The following LMAN1L variants were observed in gnomAD, a reference collection of about 807,000 sequenced individuals.
LMAN1L encodes protein ERGIC-53-like.
LMAN1L carries 60 observed loss-of-function variants against 58.3 expected under a neutral mutation model. The observed-to-expected ratio is 1.03, with a 90% CI of 0.84 to 1.27. The LOEUF (loss-of-function observed/expected upper bound fraction) is 1.27, where lower values mean the gene tolerates loss of function less well. LMAN1L is among the 50% of genes most tolerant of loss of function. The probability of loss-of-function intolerance (pLI) is 0.00; values close to 1 mark genes in which losing one functional copy is unlikely to be tolerated. For missense variants in LMAN1L, 629 were observed against 674.0 expected, an observed-to-expected ratio of 0.93 and a Z score of 0.74; for synonymous variants, 280 against 271.6, an observed-to-expected ratio of 1.03 and a Z score of -0.31.
At chr15:74,820,797 C>T in intron 8 of LMAN1L, 30 bp downstream of exon 8, 1 of 1,594,156 alleles carries the variant, frequency 6.3e-7, no homozygotes, top group Non-Finnish European at 8.5e-7. Context: ...GCAGGTGGCG[C>T]CCATCTGAGT....
In LMAN1L at chr15:74,820,714, T is replaced by C. The variant is rs1407158273; in HGVS notation, c.854T>C (p.Leu285Ser). 1.2e-6 allele frequency: 2 copies of C among 1,613,804 alleles called. No homozygotes were observed. Among genetic ancestry groups the C allele is most frequent in the Non-Finnish European group, 1.7e-6 (2 of 1,179,984 alleles). ...GAAGGGCTGTGGGCAAGGCTGGGCT[T>C]GGGCACCAGGGAGGATGTAACTCCA... ...QLEGLWARLGLGTREDVTPKS... is the reference protein window; with the variant it reads ...QLEGLWARLGSGTREDVTPKS... The change falls in exon 8 of 14, where the codon TTG (leucine) becomes TCG (serine). Residue 285 changes from leucine to serine, a missense_variant. Physicochemically the swap from Leu to Ser is moderately radical, Grantham distance 145 (BLOSUM62 -2). Around this residue, in one of 3 missense-constraint regions of LMAN1L, gnomAD observed 573 missense variants for 597.3 expected, o/e 0.96. Coordinates refer to ENST00000309664, the MANE Select transcript of LMAN1L (RefSeq NM_021819.3).
At position 74,821,244 on chromosome 15, in the gene LMAN1L, C is replaced by A; in HGVS notation, c.1059+18C>A. 3 of 1,546,752 alleles carry A rather than the reference C, an allele frequency of 1.9e-6. No individual in the cohort carries two copies. Among genetic ancestry groups the A allele is most frequent in the Middle Eastern group, 2.3e-4 (1 of 4,346 alleles). On this transcript the variant is annotated intron_variant, in intron 9 of 13. Coordinates refer to ENST00000309664, the MANE Select transcript of LMAN1L (RefSeq NM_021819.3). ...GAGGCTGGGTGAGAAGCCCTACAGG[C>A]ATCCAAGGCTCCACCTGCGGGCCTG...
chr15:74,820,093 C>T lies in LMAN1L; in HGVS notation c.768C>T (p.Ser256=), dbSNP rs750687885. ...SFLTFSLSEP[S]PEVPPQPFLE... is the part of the protein sequence containing the mutation. ...TGACCTTCAGCCTGAGTGAGCCCAG[C>T]CCAGAGGTGATGCCAGCCCTGGCCT... The change falls in exon 7 of 14, where the codon AGC becomes AGT. Residue 256 remains serine (S), a synonymous_variant. Coordinates refer to ENST00000309664, the MANE Select transcript of LMAN1L (RefSeq NM_021819.3). The T allele has an allele frequency of 6.2e-7, 1 of 1,613,952 alleles. No individual in the cohort carries two copies. The highest frequency in any genetic ancestry group is 8.5e-7 in the Non-Finnish European group (1 of 1,179,840).
chr15:74,817,062 CT>C (rs760599718), intron 4 of LMAN1L, among the ~76,000 whole-genome samples: 18 of 152,312 alleles, frequency 1.2e-4, no homozygotes, highest in African/African-American at 4.1e-4. Flanking sequence ...AGACTTACCC[CT>C]GGAGGGTCCT....
intron 12 of LMAN1L, chr15:74,824,117 C>T (rs1026717876): frequency 1.0e-5 from 6 of 585,890 alleles, no homozygotes; most frequent in Non-Finnish European, 1.8e-5. Flanking sequence ...AACCCTGGGC[C>T]CCTTGATGAT....
intron 1 of LMAN1L, chr15:74,813,548 C>G: frequency 2.3e-6 from 1 of 443,192 alleles, no homozygotes; most frequent in Non-Finnish European, 4.6e-6. Flanking sequence ...CATCTTAGCC[C>G]ATAGGTTTGT....
At chr15:74,823,325 CG>C (rs1377151341) in intron 11 of LMAN1L, among the ~76,000 whole-genome samples, 1 of 152,024 alleles carries the variant, frequency 6.6e-6, no homozygotes, top group Non-Finnish European at 1.5e-5. Flanking sequence ...AAGGCAGAGC[CG>C]GGGAGCCTGG....
At chr15:74,815,157 C>T (rs905320867) in intron 1 of LMAN1L, among the ~76,000 whole-genome samples, 2 of 152,218 alleles carry the variant, frequency 1.3e-5, no homozygotes, top group Non-Finnish European at 2.9e-5. Context: ...AAGGTCTCAC[C>T]CACAGGCCTT....
intron 10 of LMAN1L, among the ~76,000 whole-genome samples, chr15:74,822,189 T>TA (rs1380253550): frequency 2.0e-5 from 3 of 152,092 alleles, no homozygotes; most frequent in Non-Finnish European, 2.9e-5. Context: ...ACCCTGTCTC[T>TA]ACTGAAAATA....
At chr15:74,814,627 C>A (rs1022230931) in intron 1 of LMAN1L, among the ~76,000 whole-genome samples, 4 of 152,188 alleles carry the variant, frequency 2.6e-5, no homozygotes, top group African/African-American at 7.2e-5. Context: ...CCCGCCTTGG[C>A]CTCCCAAAGT....
In LMAN1L at chr15:74,820,072, C is replaced by T. The variant is rs2063909491; in HGVS notation, c.747C>T (p.Thr249=). ...ATCATGATGTCCTGTCCTTCCTGACCTTCAGCCTGAGTGAGCCCAGCCCAG... is the reference window on the plus strand; with the variant it reads ...ATCATGATGTCCTGTCCTTCCTGACTTTCAGCCTGAGTGAGCCCAGCCCAG... ...ADDHDVLSFL[T]FSLSEPSPEV... Residue 249 remains threonine, a synonymous_variant, in exon 7 of 14, where the codon ACC becomes ACT. Transcript: ENST00000309664. 6.2e-7 allele frequency: 1 copy of T among 1,614,028 alleles called. No individual in the cohort carries two copies. Among genetic ancestry groups the T allele is most frequent in the Non-Finnish European group, 8.5e-7 (1 of 1,180,016 alleles).
intron 6 of LMAN1L, 98 bp downstream of exon 6, chr15:74,819,370 T>C: frequency 6.9e-7 from 1 of 1,453,578 alleles, no homozygotes; most frequent in Non-Finnish European, 9.3e-7. Context: ...GTCAGCCACT[T>C]CACCACATGA....
intron 1 of LMAN1L, among the ~76,000 whole-genome samples, chr15:74,813,998 C>T (rs1464851084): frequency 2.0e-5 from 3 of 151,658 alleles, no homozygotes; most frequent in Non-Finnish European, 2.9e-5. Context: ...TGGTGGCGTG[C>T]GCCTGTAGTC....
At chr15:74,814,457 T>C (rs1347647149) in intron 1 of LMAN1L, among the ~76,000 whole-genome samples, 11 of 146,142 alleles carry the variant, frequency 7.5e-5, no homozygotes, top group Non-Finnish European at 1.4e-4. Context: ...CACTGCAAGC[T>C]CCACCTCCTG....
At chr15:74,822,943 G>GC (rs1312037691) in intron 11 of LMAN1L, among the ~76,000 whole-genome samples, 1 of 152,180 alleles carries the variant, frequency 6.6e-6, no homozygotes, top group Non-Finnish European at 1.5e-5. Flanking sequence ...CATCATGAAG[G>GC]CCCCCTCAGA....
Position 74,822,797 on chromosome 15 carries a change from G to C in LMAN1L, c.1199+88G>C, listed in dbSNP as rs1004134178. 1.1e-5 allele frequency: 11 copies of C among 996,402 alleles called. No homozygotes were observed. The African/African-American group carries it at 1.4e-4, about 13-fold the overall frequency. The allele number at this position is 996,402 out of a possible 1,614,324, so 61.7% of individuals were successfully genotyped here. ...CCCTTCATTCCTTCCATCATTTCCT[G>C]AGCGCCCAGCACACAGCCTGTCAAT... On this transcript the variant is annotated intron_variant, in intron 11 of 13. Transcript: ENST00000309664.
At chr15:74,813,550 T>C in intron 1 of LMAN1L, 2 of 437,974 alleles carry the variant, frequency 4.6e-6, no homozygotes, top group African/African-American at 4.0e-5. Flanking sequence ...TCTTAGCCCA[T>C]AGGTTTGTAT....
chr15:74,819,350 C>T, intron 6 of LMAN1L, 78 bp downstream of exon 6: 1 of 1,536,720 alleles, frequency 6.5e-7, no homozygotes, highest in Non-Finnish European at 8.8e-7. Flanking sequence ...CTAAAGAGCA[C>T]TGGGGTGGCG....
intron 1 of LMAN1L, among the ~76,000 whole-genome samples, chr15:74,815,582 C>T (rs1407870019): frequency 6.6e-6 from 1 of 152,218 alleles, no homozygotes; most frequent in African/African-American, 2.4e-5. Context: ...TGCTTTCCTG[C>T]TTTCCTCACC....
Sources: gnomAD v4.1 joint callset for allele counts (sites outside exome capture counted in the v4.1 genomes callset) on GRCh38, gnomAD v4.1.1 for gene constraint, gnomAD v4.1.1 regional missense constraint, MANE v1.5 for transcripts, NCBI Gene and HGNC (gene_info 2026-07-23, HGNC 2026-07-21) for gene names.